Variants in DDX10 observed in about 807,000 individuals in gnomAD.
DDX10 encodes probable ATP-dependent RNA helicase DDX10.
In DDX10, 74 loss-of-function variants were observed where a neutral mutation model predicts 104.3. The observed-to-expected ratio is 0.71, with a 90% confidence interval of 0.59 to 0.86. The LOEUF is 0.86. DDX10 is among the 40% of genes least tolerant of loss of function. The pLI, the probability that DDX10 is intolerant of heterozygous loss-of-function variation, is 0.00. For synonymous variants in DDX10, 351 were observed against 353.4 expected, an observed-to-expected ratio of 0.99 and a Z score of 0.08; for missense variants, 952 against 1,040.0, an observed-to-expected ratio of 0.92 and a Z score of 1.16.
chr11:108,741,120 G>A (rs1591806284), intron 13 of DDX10, among the ~76,000 whole-genome samples: 1 of 152,212 alleles, frequency 6.6e-6, no homozygotes, highest in Admixed American at 6.5e-5. Context: ...TTGTAGGTGT[G>A]TGGCCTTATT....
intron 13 of DDX10, among the ~76,000 whole-genome samples, chr11:108,724,535 T>C (rs917235616): frequency 1.3e-5 from 2 of 152,120 alleles, no homozygotes; most frequent in Admixed American, 6.5e-5. Flanking sequence ...TCTTGTCCAA[T>C]AATCCTGTAC....
intron 13 of DDX10, among the ~76,000 whole-genome samples, chr11:108,806,270 T>C (rs1257586466): frequency 6.6e-6 from 1 of 152,172 alleles, no homozygotes; most frequent in African/African-American, 2.4e-5. Context: ...GCCTAAACTT[T>C]TCTATTAAGA....
intron 16 of DDX10, among the ~76,000 whole-genome samples, chr11:108,903,165 A>T (rs1259015275): frequency 1.3e-5 from 2 of 152,152 alleles, no homozygotes; most frequent in East Asian, 3.9e-4. Flanking sequence ...ATCTAATTTC[A>T]GAACATTTTG....
chr11:108,939,887 A>T (rs1463996791), intron 17 of DDX10, among the ~76,000 whole-genome samples: 1 of 152,238 alleles, frequency 6.6e-6, no homozygotes, highest in Non-Finnish European at 1.5e-5. Context: ...ACCTAAAGAT[A>T]ACCTGACTTT....
At chr11:108,726,708 C>G (rs532857063) in intron 13 of DDX10, among the ~76,000 whole-genome samples, 1 of 151,662 alleles carries the variant, frequency 6.6e-6, no homozygotes. Context: ...TTGATTTTAC[C>G]GAGTAGGATC....
rs1208130739 is a variant in DDX10, at chr11:108,810,264, A to G, written c.1966-28182A>G. On this transcript the variant is annotated intron_variant, in intron 13 of 17. Coordinates refer to ENST00000322536, the MANE Select transcript of DDX10 (RefSeq NM_004398.4). ...GTATTTGTAATGCAGTGGAACTTGC[A>G]AATTGTGTTAGCCTGAACTCTGGGC... 3.9e-5 allele frequency among the ~76,000 whole-genome samples: 6 copies of G among 152,316 alleles called. No homozygotes were observed. The South Asian group carries it at 1.2e-3, about 32-fold the overall frequency.
intron 13 of DDX10, among the ~76,000 whole-genome samples, chr11:108,835,091 G>C (rs1862535796): frequency 6.6e-6 from 1 of 152,082 alleles, no homozygotes; most frequent in Non-Finnish European, 1.5e-5. Flanking sequence ...TGACAGAAGT[G>C]GGGGTCTTAT....
At chr11:108,786,820 A>T (rs551911830) in intron 13 of DDX10, among the ~76,000 whole-genome samples, 1 of 152,200 alleles carries the variant, frequency 6.6e-6, no homozygotes, top group African/African-American at 2.4e-5. Context: ...ATGCCTTTTA[A>T]GTGGGGAGAT....
At chr11:108,748,849 G>T (rs186544316) in intron 13 of DDX10, among the ~76,000 whole-genome samples, 7 of 151,746 alleles carry the variant, frequency 4.6e-5, no homozygotes, top group African/African-American at 1.5e-4. Context: ...CCTGCCTAAT[G>T]TTTTTAAATG....
chr11:108,790,882 A>T (rs896291570), intron 13 of DDX10, among the ~76,000 whole-genome samples: 1 of 152,088 alleles, frequency 6.6e-6, no homozygotes, highest in African/African-American at 2.4e-5. Flanking sequence ...TATAGATGAG[A>T]TCCTGTTGTC....
At chr11:108,671,665 C>T (rs978148381) in intron 1 of DDX10, among the ~76,000 whole-genome samples, 6 of 151,988 alleles carry the variant, frequency 3.9e-5, no homozygotes, top group South Asian at 2.1e-4. Context: ...TAGTTGTGCT[C>T]GAATAAAACT....
intron 13 of DDX10, among the ~76,000 whole-genome samples, chr11:108,832,832 G>C (rs1207055406): frequency 6.6e-6 from 1 of 152,156 alleles, no homozygotes; most frequent in Non-Finnish European, 1.5e-5. Flanking sequence ...TGTATGAATA[G>C]ATATAATCAA....
intron 10 of DDX10, among the ~76,000 whole-genome samples, chr11:108,715,450 GGGGTTCAAGGTTACAGTGAGCTA>G (rs1396793142): frequency 6.6e-6 from 1 of 152,194 alleles, no homozygotes; most frequent in Non-Finnish European, 1.5e-5. Flanking sequence ...CTTGAGTCCA[GGGGTTCAAGGTTACAGTGAGCTA>G]TGATTGCACC....
intron 13 of DDX10, among the ~76,000 whole-genome samples, chr11:108,785,160 A>AT (rs1004827739): frequency 3.3e-5 from 5 of 151,792 alleles, no homozygotes; most frequent in Non-Finnish European, 7.4e-5. Flanking sequence ...CAAAAGGTAA[A>AT]TTTTCTGCCT....
At chr11:108,811,049 T>A (rs1862173019) in intron 13 of DDX10, among the ~76,000 whole-genome samples, 1 of 152,222 alleles carries the variant, frequency 6.6e-6, no homozygotes. Context: ...TTTACCTTCC[T>A]TAGTGATCCC....
intron 13 of DDX10, among the ~76,000 whole-genome samples, chr11:108,832,663 G>T (rs1862488536): frequency 6.6e-6 from 1 of 152,212 alleles, no homozygotes; most frequent in Non-Finnish European, 1.5e-5. Flanking sequence ...ATACTTAGCT[G>T]CAGATGCAGT....
At chr11:108,900,964 T>C (rs939114022) in intron 16 of DDX10, among the ~76,000 whole-genome samples, 1 of 152,184 alleles carries the variant, frequency 6.6e-6, no homozygotes, top group African/African-American at 2.4e-5. Flanking sequence ...CACCTCTACA[T>C]GTTCCATTCC....
At chr11:108,762,188 A>G (rs776046115) in intron 13 of DDX10, among the ~76,000 whole-genome samples, 12 of 152,168 alleles carry the variant, frequency 7.9e-5, no homozygotes, top group Non-Finnish European at 1.8e-4. Flanking sequence ...TTGTTATTGA[A>G]TGCAGTGCTC....
chr11:108,824,695 G>A (rs1862372664), intron 13 of DDX10, among the ~76,000 whole-genome samples: 1 of 152,060 alleles, frequency 6.6e-6, no homozygotes, highest in Admixed American at 6.6e-5. Context: ...AAAGTAGCAG[G>A]TTAAAAATTG....
Sources: gnomAD v4.1 joint callset for allele counts (sites outside exome capture counted in the v4.1 genomes callset) on GRCh38, gnomAD v4.1.1 for gene constraint, MANE v1.5 for transcripts, NCBI Gene and HGNC (gene_info 2026-07-23, HGNC 2026-07-21) for gene names.